TMC1: variants seen among roughly 807,000 people sequenced by gnomAD.
The protein encoded by TMC1 is transmembrane channel-like protein 1.
TMC1 carries 84 observed loss-of-function variants against 105.8 expected under a neutral mutation model. The ratio of observed to expected loss-of-function variants is 0.79; its 90% CI spans 0.67 to 0.95. TMC1 has a LOEUF of 0.95. Ranked by LOEUF, TMC1 falls within the 40% of genes least tolerant of loss-of-function variation. The probability of loss-of-function intolerance (pLI) is 0.00; values close to 1 mark genes in which losing one functional copy is unlikely to be tolerated. For missense variants in TMC1, 817 were observed against 914.1 expected (o/e 0.89, Z 1.37); for synonymous variants, 315 against 311.5 (o/e 1.01, Z -0.12).
At chr9:72,668,992 A>G (rs559352784) in intron 5 of TMC1, among the ~76,000 whole-genome samples, 120 of 152,332 alleles carry the variant, frequency 7.9e-4, no homozygotes, top group Non-Finnish European at 1.4e-3. Flanking sequence ...ACAAAAACAT[A>G]ACACAATTTT....
intron 1 of TMC1, among the ~76,000 whole-genome samples, chr9:72,548,966 A>G (rs1823815715): frequency 6.6e-6 from 1 of 152,232 alleles, no homozygotes; most frequent in African/African-American, 2.4e-5. Context: ...CCCTCTATCC[A>G]CCTATATTTC....
At chr9:72,585,262 G>T (rs10114620) in intron 2 of TMC1, among the ~76,000 whole-genome samples, 68,219 of 150,370 alleles carry the variant, frequency 0.45, 17,503 homozygotes, top group African/African-American at 0.71. Flanking sequence ...GCCATTCTCC[G>T]GCCGCAGCCT....
chr9:72,826,404 A>G lies in TMC1; in HGVS notation c.2004-465A>G, dbSNP rs986773194. Among the ~76,000 whole-genome samples, 5 of 152,144 alleles carry G rather than the reference A, an allele frequency of 3.3e-5. No individual in the cohort carries two copies. The South Asian group carries it at 1.0e-3, about 31-fold the overall frequency. ...TCTGATGAAGGAAGTCTGGTGGAAA[A>G]TGAGGTGGAAGCTATTGCGTGGAAA... On this transcript the variant is annotated intron_variant, in intron 20 of 23. Coordinates refer to ENST00000297784, the MANE Select transcript of TMC1 (RefSeq NM_138691.3).
intron 7 of TMC1, among the ~76,000 whole-genome samples, chr9:72,698,222 A>G (rs969206): frequency 0.51 from 77,479 of 151,414 alleles, 21,117 homozygotes; most frequent in African/African-American, 0.73. Flanking sequence ...CTTGAACCAA[A>G]ATGATTATTC....
At chr9:72,826,224 T>C (rs971489535) in intron 20 of TMC1, among the ~76,000 whole-genome samples, 1 of 152,212 alleles carries the variant, frequency 6.6e-6, no homozygotes, top group African/African-American at 2.4e-5. Context: ...AGTCAAGACA[T>C]CCTGTTCTCA....
intron 1 of TMC1, among the ~76,000 whole-genome samples, chr9:72,576,183 T>A (rs1433757776): frequency 1.3e-5 from 2 of 152,168 alleles, no homozygotes; most frequent in Non-Finnish European, 2.9e-5. Flanking sequence ...TGAGAAAACA[T>A]ATATCCAGTT....
intron 1 of TMC1, among the ~76,000 whole-genome samples, chr9:72,526,855 C>T (rs12004241): frequency 0.013 from 1,998 of 152,272 alleles, 38 homozygotes; most frequent in African/African-American, 0.045. Flanking sequence ...ACCAAGCAGC[C>T]CATGAGGAAC....
chr9:72,730,498 G>A (rs1310724175), intron 8 of TMC1, among the ~76,000 whole-genome samples: 2 of 152,088 alleles, frequency 1.3e-5, no homozygotes, highest in East Asian at 3.9e-4. Context: ...GTTGCACATT[G>A]GAATTGTTCA....
At chr9:72,569,231 G>A (rs1824225011) in intron 1 of TMC1, among the ~76,000 whole-genome samples, 1 of 151,492 alleles carries the variant, frequency 6.6e-6, no homozygotes, top group Non-Finnish European at 1.5e-5. Context: ...GTAAATACTT[G>A]TTATATTGTA....
In TMC1 at chr9:72,770,419, G is replaced by GTT. The variant is rs367957982; in HGVS notation, c.742-1978_742-1977dup. 7.5e-3 allele frequency among the ~76,000 whole-genome samples: 904 copies of GTT among 120,454 alleles called. 11 individuals are homozygous for GTT. Among genetic ancestry groups the GTT allele is most frequent in the African/African-American group, 0.026 (841 of 31,950 alleles). The allele number at this position is 120,454 out of a possible 152,430, so 79.0% of individuals were successfully genotyped here. A position where few individuals can be genotyped will look rare whatever the true frequency, so the allele number is the denominator to read the frequency against. On this transcript the variant is annotated intron_variant, in intron 12 of 23. Coordinates refer to ENST00000297784, the MANE Select transcript of TMC1 (RefSeq NM_138691.3). ...TATATATGCATATAAAATTTGTTGG[G>GTT]TTTTTTTTTTTTTTTTTGAGACGGG...
At chr9:72,774,352 A>G (rs1214891894) in intron 13 of TMC1, among the ~76,000 whole-genome samples, 1 of 152,172 alleles carries the variant, frequency 6.6e-6, no homozygotes, top group African/African-American at 2.4e-5. Context: ...AATATATCAA[A>G]AGTATTATCA....
chr9:72,586,521 A>G (rs562109294), intron 2 of TMC1, among the ~76,000 whole-genome samples: 1 of 152,202 alleles, frequency 6.6e-6, no homozygotes, highest in Non-Finnish European at 1.5e-5. Flanking sequence ...GCTTCTATTC[A>G]GAGAGATGAA....
intron 5 of TMC1, among the ~76,000 whole-genome samples, chr9:72,665,415 G>A (rs989624319): frequency 1.3e-5 from 2 of 152,174 alleles, no homozygotes; most frequent in Admixed American, 1.3e-4. Flanking sequence ...TCCTCCATTG[G>A]TTATATGGAC....
intron 1 of TMC1, among the ~76,000 whole-genome samples, chr9:72,541,612 C>T (rs1240104339): frequency 6.6e-6 from 1 of 151,584 alleles, no homozygotes; most frequent in Non-Finnish European, 1.5e-5. Context: ...CTCTTGAACC[C>T]AGGAGGTGGA....
At chr9:72,654,569 T>C (rs1244733219) in intron 5 of TMC1, among the ~76,000 whole-genome samples, 1 of 152,180 alleles carries the variant, frequency 6.6e-6, no homozygotes, top group African/African-American at 2.4e-5. Context: ...CAAATAATGG[T>C]ATACCCCTTA....
chr9:72,541,556 C>A (rs1823678062), intron 1 of TMC1, among the ~76,000 whole-genome samples: 1 of 151,788 alleles, frequency 6.6e-6, no homozygotes, highest in Non-Finnish European at 1.5e-5. Context: ...GGCATGGTGG[C>A]ATGCACCTGT....
intron 13 of TMC1, among the ~76,000 whole-genome samples, chr9:72,784,052 A>G (rs183619584): frequency 6.1e-4 from 93 of 152,248 alleles, no homozygotes; most frequent in African/African-American, 1.9e-3. Context: ...TGCAATAAAA[A>G]CCAAAATTGA....
chr9:72,774,545 A>G (rs978545492), intron 13 of TMC1, among the ~76,000 whole-genome samples: 2 of 152,074 alleles, frequency 1.3e-5, no homozygotes, highest in Non-Finnish European at 1.5e-5. Flanking sequence ...GGCTTTTTCA[A>G]AGTTGCTCGA....
intron 1 of TMC1, among the ~76,000 whole-genome samples, chr9:72,532,541 C>CAAAAAAAA (rs59010604): frequency 6.6e-5 from 5 of 75,526 alleles, no homozygotes; most frequent in African/African-American, 9.5e-5. Flanking sequence ...GACTCCGTCT[C>CAAAAAAAA]AAAAAAAAAA....
Sources: allele counts gnomAD v4.1 joint callset (sites outside exome capture counted in the v4.1 genomes callset), GRCh38; gene constraint gnomAD v4.1.1; transcripts MANE v1.5; gene names NCBI Gene and HGNC (gene_info 2026-07-23, HGNC 2026-07-21).